The following NKAIN3 variants were observed in gnomAD, a reference collection of about 807,000 sequenced individuals.
NKAIN3 encodes the protein sodium/potassium-transporting ATPase subunit beta-1-interacting protein 3.
Under a neutral mutation model 30.2 loss-of-function variants are expected in NKAIN3, and 25 were observed. The observed-to-expected ratio is 0.83, with a 90% CI of 0.60 to 1.16. The LOEUF (loss-of-function observed/expected upper bound fraction) is 1.16, where lower values mean the gene tolerates loss of function less well. Ranked by LOEUF, NKAIN3 falls within the 50% of genes most tolerant of loss-of-function variation. The pLI is 0.00. For missense variants in NKAIN3, 225 were observed against 254.1 expected (o/e 0.89, Z 0.78); for synonymous variants, 91 against 89.6 (o/e 1.02, Z -0.09).
intron 4 of NKAIN3, among the ~76,000 whole-genome samples, chr8:62,862,217 G>A (rs768950886): frequency 2.2e-4 from 33 of 151,956 alleles, no homozygotes; most frequent in Non-Finnish European, 4.3e-4. Context: ...TCATCATGTT[G>A]ACATAGTTAA....
At position 62,325,973 on chromosome 8, in the gene NKAIN3, ATTAT is replaced by A. The variant is rs760260918; in HGVS notation, c.54+76853_54+76856del. Among the ~76,000 whole-genome samples, 3 of 151,956 alleles carry A rather than the reference ATTAT, an allele frequency of 2.0e-5. No individual in the cohort carries two copies. The South Asian group carries it at 6.2e-4, about 32-fold the overall frequency. On this transcript the variant is annotated intron_variant, in intron 1 of 6. Coordinates refer to ENST00000623646, the MANE Select transcript of NKAIN3 (RefSeq NM_001304533.3). ...TGTGGGTAGTCTGTTTACTCTATTGATTATTTATTTTGCTGTGAAATAGCTTTTT... is the reference window on the plus strand; with the variant it reads ...TGTGGGTAGTCTGTTTACTCTATTGATTATTTTGCTGTGAAATAGCTTTTT...
At chr8:62,293,919 C>T (rs1393996931) in intron 1 of NKAIN3, among the ~76,000 whole-genome samples, 1 of 152,180 alleles carries the variant, frequency 6.6e-6, no homozygotes, top group Admixed American at 6.5e-5. Context: ...TGTTTACTTA[C>T]TCAAGCCTCA....
intron 1 of NKAIN3, among the ~76,000 whole-genome samples, chr8:62,311,674 C>A (rs1563928861): frequency 1.3e-5 from 2 of 150,316 alleles, no homozygotes; most frequent in East Asian, 3.9e-4. Context: ...GCTTTTAAGC[C>A]GAGTGGTTTT....
chr8:62,546,818 C>A (rs561125284), intron 1 of NKAIN3, among the ~76,000 whole-genome samples: 6 of 152,294 alleles, frequency 3.9e-5, no homozygotes, highest in African/African-American at 1.4e-4. Context: ...TTGCCTTACA[C>A]TTAGAATGCT....
At chr8:62,461,624 A>T (rs1338399089) in intron 1 of NKAIN3, among the ~76,000 whole-genome samples, 1 of 152,236 alleles carries the variant, frequency 6.6e-6, no homozygotes, top group Non-Finnish European at 1.5e-5. Flanking sequence ...GAATATCAAG[A>T]GATGGAAATT....
intron 3 of NKAIN3, among the ~76,000 whole-genome samples, chr8:62,709,400 T>G (rs2130489281): frequency 6.6e-6 from 1 of 152,282 alleles, no homozygotes; most frequent in South Asian, 2.1e-4. Context: ...ATCTCGCTAC[T>G]TGTTATTTGT....
At chr8:62,276,315 C>T (rs1377106233) in intron 1 of NKAIN3, among the ~76,000 whole-genome samples, 1 of 152,194 alleles carries the variant, frequency 6.6e-6, no homozygotes, top group Non-Finnish European at 1.5e-5. Context: ...ATCCGCCTGC[C>T]TTGGCCTCCC....
At chr8:62,812,363 A>T (rs960568520) in intron 4 of NKAIN3, among the ~76,000 whole-genome samples, 6 of 151,908 alleles carry the variant, frequency 3.9e-5, no homozygotes, top group Non-Finnish European at 7.4e-5. Flanking sequence ...TATGTCAACA[A>T]AATCCCTGAT....
chr8:62,707,056 T>TACACACACAC (rs35879987), intron 3 of NKAIN3, among the ~76,000 whole-genome samples: 173 of 143,404 alleles, frequency 1.2e-3, no homozygotes, highest in African/African-American at 4.7e-3. Flanking sequence ...CATACATACA[T>TACACACACAC]ACACACACAC....
intron 1 of NKAIN3, among the ~76,000 whole-genome samples, chr8:62,348,414 A>G (rs1816076007): frequency 6.6e-6 from 1 of 152,224 alleles, no homozygotes; most frequent in Admixed American, 6.6e-5. Context: ...TGCATGATGG[A>G]AAAGACAGAC....
In NKAIN3 at chr8:62,746,964, A is replaced by G. The variant is rs183693168; in HGVS notation, c.306A>G (p.Val102=). The part of the protein sequence containing the change: ...DTDLMTFNIS[V]HRSWWREHGP... ...ATCTAATGACATTCAATATCTCTGT[A>G]CATCGGTCATGGTGGAGAGAACATG... Residue 102 remains valine (V), a synonymous_variant, in exon 4 of 7, where the codon GTA becomes GTG. Coordinates refer to ENST00000623646, the MANE Select transcript of NKAIN3 (RefSeq NM_001304533.3). 1.6e-4 allele frequency: 252 copies of G among 1,613,598 alleles called. 5 individuals carry two copies. The East Asian group carries it at 5.2e-3, about 34-fold the overall frequency.
intron 3 of NKAIN3, among the ~76,000 whole-genome samples, chr8:62,599,736 A>G (rs1212007441): frequency 6.6e-6 from 1 of 152,074 alleles, no homozygotes; most frequent in Non-Finnish European, 1.5e-5. Flanking sequence ...CTGTAACAGT[A>G]TTAATTAAAT....
chr8:62,264,664 C>T (rs1315793873), intron 1 of NKAIN3, among the ~76,000 whole-genome samples: 3 of 152,154 alleles, frequency 2.0e-5, no homozygotes, highest in Non-Finnish European at 4.4e-5. Context: ...ACTGCTTATG[C>T]TCTATGTCAA....
intron 1 of NKAIN3, among the ~76,000 whole-genome samples, chr8:62,480,339 A>G (rs561933549): frequency 3.3e-5 from 5 of 152,308 alleles, no homozygotes; most frequent in African/African-American, 1.2e-4. Flanking sequence ...TCATTTAAGA[A>G]TGCATACATA....
chr8:62,731,234 G>GACACAC (rs67571816), intron 3 of NKAIN3, among the ~76,000 whole-genome samples: 2,327 of 143,720 alleles, frequency 0.016, 72 homozygotes, highest in African/African-American at 0.057. Context: ...GGGATCACAG[G>GACACAC]ACACACACAC....
At chr8:62,341,775 T>G (rs949400179) in intron 1 of NKAIN3, among the ~76,000 whole-genome samples, 24 of 152,050 alleles carry the variant, frequency 1.6e-4, no homozygotes, top group Admixed American at 1.6e-3. Context: ...GGCTTTCTTT[T>G]GACAACATGA....
rs1824354919 is a variant in NKAIN3, at chr8:62,993,087, G to C, written c.533-6144G>C. On this transcript the variant is annotated intron_variant, in intron 5 of 5. Transcript: ENST00000519049. ...CTCTAGGTACAAAAGAAAAAAGAGT[G>C]AAAATAGGAGTGATTGCATGGGGAA... Among the ~76,000 whole-genome samples, 3 of 152,092 alleles carry C rather than the reference G, an allele frequency of 2.0e-5. No individual in the cohort carries two copies. In the South Asian group the frequency reaches 6.2e-4, roughly 31 times the overall value.
intron 1 of NKAIN3, among the ~76,000 whole-genome samples, chr8:62,494,762 A>G (rs1431970116): frequency 2.0e-5 from 3 of 152,024 alleles, no homozygotes; most frequent in Non-Finnish European, 4.4e-5. Context: ...CCAGGAATTT[A>G]TCCACTTCTT....
chr8:62,587,376 T>C (rs1452276134), intron 2 of NKAIN3, among the ~76,000 whole-genome samples: 1 of 152,066 alleles, frequency 6.6e-6, no homozygotes, highest in Non-Finnish European at 1.5e-5. Context: ...AAGAATTCCA[T>C]ATTATACATG....
Sources: gnomAD v4.1 joint callset for allele counts (sites outside exome capture counted in the v4.1 genomes callset) on GRCh38, gnomAD v4.1.1 for gene constraint, MANE v1.5 for transcripts, NCBI Gene and HGNC (gene_info 2026-07-23, HGNC 2026-07-21) for gene names.